TLR5: variants seen among roughly 807,000 people sequenced by gnomAD.
TLR5 encodes toll like receptor 5, also known as toll-like receptor 5.
For missense variants in TLR5, 944 were observed against 999.8 expected (o/e 0.94, Z 0.75); for synonymous variants, 373 against 384.4 (o/e 0.97, Z 0.35).
In TLR5 at chr1:223,124,447, C is replaced by CAAA. The variant is rs71178531; in HGVS notation, c.-5+8025_-5+8027dup. On this transcript the variant is annotated intron_variant, in intron 5 of 5. Transcript: ENST00000642603. ...GACAAGAGCAAGACTCCGTCTAAAA[C>CAAA]AAAAAAAAAAAAGAAAAAGAAAAAA... 8.0e-4 allele frequency among the ~76,000 whole-genome samples: 113 copies of CAAA among 141,676 alleles called. 2 individuals carry two copies. The highest frequency in any genetic ancestry group is 1.2e-3 in the Admixed American group (17 of 13,996). The allele number at this position is 141,676 out of a possible 152,430, so 92.9% of individuals were successfully genotyped here.
chr1:223,130,647 AC>A (rs1443729454), intron 5 of TLR5, among the ~76,000 whole-genome samples: 5 of 152,204 alleles, frequency 3.3e-5, no homozygotes, highest in Non-Finnish European at 7.3e-5. Flanking sequence ...CTAGTATTAT[AC>A]CATTGCACCA....
chr1:223,114,649 T>C (rs1230832782), intron 5 of TLR5, among the ~76,000 whole-genome samples: 2 of 152,158 alleles, frequency 1.3e-5, no homozygotes, highest in Non-Finnish European at 2.9e-5. Flanking sequence ...CCACAGAAAC[T>C]GGGAGGCTGT....
chr1:223,113,608 T>A lies in TLR5; in HGVS notation c.-4-573A>T, dbSNP rs189826334. ...CACTTAATCTTTTCTTTTAAAAAAATTTTATTTATTATTCTAAATTAAAAT... is the reference window on the plus strand; with the variant it reads ...CACTTAATCTTTTCTTTTAAAAAAAATTTATTTATTATTCTAAATTAAAAT... On this transcript the variant is annotated intron_variant, in intron 5 of 5. Coordinates refer to ENST00000642603, the MANE Select transcript of TLR5 (RefSeq NM_003268.6). Among the ~76,000 whole-genome samples, 417 of 152,228 alleles carry A rather than the reference T, an allele frequency of 2.7e-3. 3 individuals carry two copies. The highest frequency in any genetic ancestry group is 9.3e-3 in the African/African-American group (386 of 41,540).
chr1:223,135,243 C>G (rs1185978041), intron 3 of TLR5, among the ~76,000 whole-genome samples: 1 of 152,178 alleles, frequency 6.6e-6, no homozygotes, highest in Non-Finnish European at 1.5e-5. Context: ...ACTGGTGTTG[C>G]CTGAGGGACT....
chr1:223,126,484 T>C (rs921947283), intron 5 of TLR5, among the ~76,000 whole-genome samples: 2 of 152,168 alleles, frequency 1.3e-5, no homozygotes, highest in African/African-American at 4.8e-5. Flanking sequence ...ACATTTTTTA[T>C]AAAATGAAAA....
In TLR5 at chr1:223,116,417, C is replaced by T. The variant is rs988202821; in HGVS notation, c.-4-3382G>A. Reference sequence around the variant, plus strand: ...TCTGGAGTTGTTCATTCTTCCCATCCGGAGTTGTTCATTCCTCCCTGTGGG... The same window carrying T: ...TCTGGAGTTGTTCATTCTTCCCATCTGGAGTTGTTCATTCCTCCCTGTGGG... On this transcript the variant is annotated intron_variant, in intron 5 of 5. Transcript: ENST00000642603. Among the ~76,000 whole-genome samples the T allele has an allele frequency of 8.5e-5, 13 of 152,196 alleles. No homozygotes were observed. The East Asian group carries it at 1.2e-3, about 14-fold the overall frequency.
chr1:223,133,855 A>G (rs1016740057), intron 4 of TLR5, among the ~76,000 whole-genome samples: 4 of 152,128 alleles, frequency 2.6e-5, no homozygotes, highest in Admixed American at 1.3e-4. Flanking sequence ...AGGGCGCAAA[A>G]GGGGCAGGGA....
At chr1:223,118,122 T>A (rs72748475) in intron 5 of TLR5, among the ~76,000 whole-genome samples, 2 of 152,166 alleles carry the variant, frequency 1.3e-5, no homozygotes, top group African/African-American at 4.8e-5. Context: ...TTGGGAGACA[T>A]GAGACATCAG....
chr1:223,118,748 C>G (rs1656798494), intron 5 of TLR5, among the ~76,000 whole-genome samples: 1 of 152,100 alleles, frequency 6.6e-6, no homozygotes, highest in Non-Finnish European at 1.5e-5. Flanking sequence ...GCCTCCACTT[C>G]CCATCATGGC....
intron 5 of TLR5, among the ~76,000 whole-genome samples, chr1:223,124,823 C>T (rs541027757): frequency 2.6e-5 from 4 of 152,276 alleles, no homozygotes; most frequent in East Asian, 1.9e-4. Context: ...AGGCTGGTCT[C>T]GATCTTCTGA....
Position 223,112,043 on chromosome 1 carries a change from T to C in TLR5, c.989A>G (p.Glu330Gly). The C allele has an allele frequency of 6.2e-7, 1 of 1,614,232 alleles. No homozygotes were observed. Among genetic ancestry groups the C allele is most frequent in the Non-Finnish European group, 8.5e-7 (1 of 1,180,032 alleles). The stretch of plus-strand genomic sequence containing the variant: ...GAGGTTGTCAAGTCCGTAAAATGCT[T>C]CATCTGCAATCTTATTTATCTTGTT... ...AYNKINKIAD[E>G]AFYGLDNLQV... The change falls in exon 6 of 6, where the codon GAA (glutamate) becomes GGA (glycine). Residue 330 changes from glutamate (E) to glycine (G), a missense_variant. Coordinates refer to ENST00000642603, the MANE Select transcript of TLR5 (RefSeq NM_003268.6).
chr1:223,124,224 A>G (rs1657067972), intron 5 of TLR5, among the ~76,000 whole-genome samples: 2 of 152,140 alleles, frequency 1.3e-5, no homozygotes, highest in African/African-American at 4.8e-5. Flanking sequence ...CAGGTGGATC[A>G]CCTGAGGTCA....
At chr1:223,127,825 C>G (rs7522263) in intron 5 of TLR5, 1 of 152,342 alleles carries the variant, frequency 6.6e-6, no homozygotes, top group East Asian at 1.9e-4. Context: ...ATGCCCGTCT[C>G]TCCTCAACAG....
chr1:223,141,812 T>TAGAGAGAGAGAGAG (rs1657870374), intron 1 of TLR5, 49 bp from the exon 2 acceptor site: 1 of 57,792 alleles, frequency 1.7e-5, no homozygotes, highest in Non-Finnish European at 3.2e-5. Flanking sequence ...TATATATATA[T>TAGAGAGAGAGAGAG]ATATATATAT....
In TLR5 at chr1:223,112,166, G is replaced by C; in HGVS notation, c.866C>G (p.Ser289Ter). Residue 289 changes from serine to a stop codon, truncating the protein, a stop_gained, in exon 6 of 6, where the codon TCA becomes TGA. Transcript: ENST00000642603. LOFTEE classifies it low-confidence loss of function (END_TRUNC). ...ATGTGAAAGATCCAGGTGTCTCACT[G>C]AACTTCTGGCCAGGCCAGCAAATGT... The part of the protein sequence containing the change: ...QNTFAGLARS[S>*]VRHLDLSHGF... The C allele has an allele frequency of 1.2e-6, 2 of 1,614,126 alleles. No homozygotes were observed. Among genetic ancestry groups the C allele is most frequent in the South Asian group, 1.1e-5 (1 of 91,082 alleles).
chr1:223,128,026 C>T (rs1657241669), intron 5 of TLR5: 1 of 152,268 alleles, frequency 6.6e-6, no homozygotes, highest in Non-Finnish European at 1.5e-5. Flanking sequence ...CATTCTGATG[C>T]ATACCCATGT....
rs55989382 is a variant in TLR5 at position 223,112,716 on chromosome 1, T to C, written c.316A>G (p.Lys106Glu). 5.6e-6 allele frequency: 9 copies of C among 1,614,232 alleles called. No individual in the cohort carries two copies. In the South Asian group the frequency reaches 6.6e-5, roughly 12 times the overall value. Residue 106 changes from lysine (K) to glutamate (E), a missense_variant, in exon 6 of 6, where the codon AAG (lysine) becomes GAG (glutamate). Transcript: ENST00000642603. ...NLRILDLGSSKIYFLHPDAFQ... is the reference protein window; with the variant it reads ...NLRILDLGSSEIYFLHPDAFQ... Reference sequence around the variant, plus strand: ...GCATCTGGATGCAAGAAGTATATCTTACTACTTCCCAGGTCCAAGATTCTA... The same window carrying C: ...GCATCTGGATGCAAGAAGTATATCTCACTACTTCCCAGGTCCAAGATTCTA...
In TLR5 at chr1:223,112,450, T is replaced by C. The variant is rs779207718; in HGVS notation, c.582A>G (p.Gln194=). Residue 194 remains glutamine, a synonymous_variant, in exon 6 of 6, where the codon CAA becomes CAG. Coordinates refer to ENST00000642603, the MANE Select transcript of TLR5 (RefSeq NM_003268.6). Reference sequence around the variant, plus strand: ...GGCTAAAAAAGGAGAGCGTTTTCCCTTGTAGGGGCTCGAGCTCATGTTCAC... The same window carrying C: ...GGCTAAAAAAGGAGAGCGTTTTCCCCTGTAGGGGCTCGAGCTCATGTTCAC... ...LVCEHELEPL[Q]GKTLSFFSLA... 2.9e-5 allele frequency: 47 copies of C among 1,614,136 alleles called. No homozygotes were observed. The highest frequency in any genetic ancestry group is 4.0e-5 in the Non-Finnish European group (47 of 1,180,060).
At chr1:223,132,985 G>C (rs898077917) in intron 4 of TLR5, among the ~76,000 whole-genome samples, 1 of 152,156 alleles carries the variant, frequency 6.6e-6, no homozygotes, top group African/African-American at 2.4e-5. Context: ...CAATTCCACT[G>C]TCCCTATTGT....
Sources: allele counts gnomAD v4.1 joint callset (sites outside exome capture counted in the v4.1 genomes callset), GRCh38; gene constraint gnomAD v4.1.1; transcripts MANE v1.5; gene names NCBI Gene and HGNC (gene_info 2026-07-23, HGNC 2026-07-21).